The following BMP1 variants were observed in gnomAD, a reference collection of about 807,000 sequenced individuals.
The protein encoded by BMP1 is mammalian tolloid protein.
BMP1 carries 63 observed loss-of-function variants against 116.8 expected under a neutral mutation model. The ratio of observed to expected loss-of-function variants is 0.54; its 90% CI spans 0.44 to 0.67. BMP1 has a LOEUF of 0.67. BMP1 is among the 30% of genes least tolerant of loss of function. BMP1 has a pLI of 0.00. For missense variants in BMP1, 1,183 were observed against 1,358.9 expected (o/e 0.87, Z 2.04); for synonymous variants, 536 against 533.4 (o/e 1.00, Z -0.07).
intron 9 of BMP1, 193 bp downstream of exon 9, chr8:22,192,344 T>C: frequency 1.9e-6 from 1 of 527,528 alleles, no homozygotes. Context: ...AGGCAAGTCC[T>C]GTCCTCAATC....
intron 8 of BMP1, among the ~76,000 whole-genome samples, chr8:22,182,796 T>C (rs1000156033): frequency 3.9e-5 from 6 of 152,164 alleles, no homozygotes; most frequent in East Asian, 1.9e-4. Context: ...CCTTTGAAGA[T>C]TGGGAAAGCT....
intron 8 of BMP1, among the ~76,000 whole-genome samples, chr8:22,183,757 A>G (rs1044327467): frequency 3.3e-5 from 5 of 152,014 alleles, no homozygotes; most frequent in African/African-American, 1.2e-4. Context: ...TTGTATTTTT[A>G]GTAGAGACGG....
At position 22,176,653 on chromosome 8, in the gene BMP1, G is replaced by C; in HGVS notation, c.551+3G>C. The C allele has an allele frequency of 6.2e-7, 1 of 1,614,016 alleles. No individual in the cohort carries two copies. The highest frequency in any genetic ancestry group is 8.5e-7 in the Non-Finnish European group (1 of 1,179,902). On this transcript the variant is annotated splice_donor_region_variant and intron_variant, in intron 4 of 19. Transcript: ENST00000306385. Reference sequence around the variant, plus strand: ...GTGTTCACCTATCGACCTTGCGGGTGAGCAGGAAGCCCTAGGCGCTGTACC... The same window carrying C: ...GTGTTCACCTATCGACCTTGCGGGTCAGCAGGAAGCCCTAGGCGCTGTACC...
chr8:22,173,572 C>T, intron 1 of BMP1, 30 bp from the exon 2 acceptor site: 1 of 1,572,626 alleles, frequency 6.4e-7, no homozygotes, highest in Non-Finnish European at 8.7e-7. Flanking sequence ...GGAGGATTAA[C>T]TCAGCCCTGG....
intron 15 of BMP1, chr8:22,201,218 C>T: frequency 6.2e-7 from 1 of 1,608,544 alleles, no homozygotes; most frequent in Non-Finnish European, 8.5e-7. Flanking sequence ...TGCCAGGCCT[C>T]CCGGACCCCT....
chr8:22,177,460 C>T (rs1586440847), intron 5 of BMP1: 4 of 689,746 alleles, frequency 5.8e-6, no homozygotes, highest in East Asian at 2.7e-5. Flanking sequence ...CCTTTCTCCC[C>T]ACCTTTGCCC....
chr8:22,186,576 T>C (rs545785898), intron 8 of BMP1, among the ~76,000 whole-genome samples: 4 of 152,128 alleles, frequency 2.6e-5, no homozygotes, highest in African/African-American at 9.6e-5. Context: ...AAGCAATTTT[T>C]CTGCCTCAGC....
intron 8 of BMP1, among the ~76,000 whole-genome samples, chr8:22,183,141 G>A (rs1397427950): frequency 6.6e-6 from 1 of 152,204 alleles, no homozygotes; most frequent in Non-Finnish European, 1.5e-5. Flanking sequence ...GTTCTGGCCA[G>A]TATATGGCCC....
chr8:22,199,062 C>A (rs1829176025), intron 15 of BMP1: 2 of 1,363,958 alleles, frequency 1.5e-6, no homozygotes, highest in Non-Finnish European at 2.0e-6. Flanking sequence ...ATCTATCAGG[C>A]CTGGAGTTAC....
rs371164366 is a variant in BMP1, at chr8:22,176,320, G to C, written c.433+7G>C. The C allele has an allele frequency of 5.7e-6, 9 of 1,586,368 alleles. No individual in the cohort carries two copies. In the African/African-American group the frequency reaches 8.1e-5, roughly 14 times the overall value. ...ATTGGGGGAAACTTCACTGGTGAGC[G>C]TGCTATTGTGGGTCCCAGAGTGTAA... On this transcript the variant is annotated splice_region_variant and intron_variant, in intron 3 of 19. Transcript: ENST00000306385.
At chr8:22,211,567 C>T (rs368400801) in intron 19 of BMP1, 27 bp from the exon 20 acceptor site, 5 of 1,613,928 alleles carry the variant, frequency 3.1e-6, no homozygotes, top group Non-Finnish European at 4.2e-6. Context: ...TCTTCCTCCA[C>T]CTTACCCCAT....
At position 22,177,973 on chromosome 8, in the gene BMP1, G is replaced by C; in HGVS notation, c.836+16G>C. The C allele has an allele frequency of 6.3e-7, 1 of 1,589,862 alleles. No homozygotes were observed. Among genetic ancestry groups the C allele is most frequent in the Non-Finnish European group, 8.6e-7 (1 of 1,161,256 alleles). On this transcript the variant is annotated intron_variant, in intron 6 of 19. Coordinates refer to ENST00000306385, the MANE Select transcript of BMP1 (RefSeq NM_006129.5). ...CATTCTCCAGGTGGGAGACGGGATT[G>C]GGGCTGGGCCTCTGCTCGGGCAGCC...
At chr8:22,185,415 C>T (rs1318778101) in intron 8 of BMP1, among the ~76,000 whole-genome samples, 4 of 151,372 alleles carry the variant, frequency 2.6e-5, no homozygotes, top group Non-Finnish European at 5.9e-5. Flanking sequence ...AAGATCGTGC[C>T]ACTGCATTCC....
At position 22,194,667 on chromosome 8, in the gene BMP1, C is replaced by A; in HGVS notation, c.1444-57C>A. On this transcript the variant is annotated intron_variant, in intron 11 of 19. Transcript: ENST00000306385. This position sits in a 1 kb window ranked among gnomAD's most constrained non-coding sequence, Gnocchi z 4.5. ...GGACAGCTGCCTCTCTTTGGGCTCC[C>A]AGGGGTGGGTCTCTGGCAGCCAGAG... is the stretch of plus-strand genomic sequence containing the variant. 1 of 1,596,412 alleles carries A rather than the reference C, an allele frequency of 6.3e-7. No homozygotes were observed. Among genetic ancestry groups the A allele is most frequent in the Non-Finnish European group, 8.6e-7 (1 of 1,169,554 alleles).
At position 22,193,739 on chromosome 8, in the gene BMP1, G is replaced by A. The variant is rs145100126; in HGVS notation, c.1181-319G>A. ...GCAGAGGTTGCAGTGAGCCAAGAGCGTGCCACTGCACTCCAGCCTGGGTGA... is the reference window on the plus strand; with the variant it reads ...GCAGAGGTTGCAGTGAGCCAAGAGCATGCCACTGCACTCCAGCCTGGGTGA... On this transcript the variant is annotated intron_variant, in intron 9 of 19. Coordinates refer to ENST00000306385, the MANE Select transcript of BMP1 (RefSeq NM_006129.5). Among the ~76,000 whole-genome samples, 2,094 of 152,264 alleles carry A rather than the reference G, an allele frequency of 0.014. 43 individuals carry two copies. The highest frequency in any genetic ancestry group is 0.048 in the African/African-American group (1,984 of 41,550).
At chr8:22,210,368 T>TTC (rs58086008) in intron 19 of BMP1, among the ~76,000 whole-genome samples, 1,738 of 63,784 alleles carry the variant, frequency 0.027, 29 homozygotes, top group African/African-American at 0.24. Flanking sequence ...CCTCTTCTTC[T>TTC]TTTTTTTTTT....
chr8:22,168,888 A>C (rs906056359), intron 1 of BMP1, among the ~76,000 whole-genome samples: 1 of 152,166 alleles, frequency 6.6e-6, no homozygotes. Flanking sequence ...TAAGAAGTCT[A>C]GGCAGGGGGC....
intron 15 of BMP1, chr8:22,199,409 G>A: frequency 7.9e-7 from 1 of 1,261,902 alleles, no homozygotes; most frequent in Non-Finnish European, 1.0e-6. Flanking sequence ...CTCCTTGCCT[G>A]GGCCCATGCC....
At chr8:22,182,836 C>A (rs1174014353) in intron 8 of BMP1, among the ~76,000 whole-genome samples, 2 of 152,198 alleles carry the variant, frequency 1.3e-5, no homozygotes, top group Admixed American at 6.5e-5. Flanking sequence ...ATTACACATG[C>A]TAATCACATC....
Sources: gnomAD v4.1 joint callset for allele counts (sites outside exome capture counted in the v4.1 genomes callset) on GRCh38, gnomAD v4.1.1 for gene constraint, Gnocchi (gnomAD v3.1) non-coding constraint, MANE v1.5 for transcripts, NCBI Gene and HGNC (gene_info 2026-07-23, HGNC 2026-07-21) for gene names.